The following PDE11A variants were observed in gnomAD, a reference collection of about 807,000 sequenced individuals.
PDE11A encodes phosphodiesterase 11A.
In PDE11A, 100 loss-of-function variants were observed where a neutral mutation model predicts 100.5. The ratio of observed to expected loss-of-function variants is 1.00; its 90% CI spans 0.85 to 1.18. The LOEUF is 1.18. PDE11A is among the 50% of genes most tolerant of loss of function. PDE11A has a pLI of 0.00. For synonymous variants in PDE11A, 381 were observed against 420.8 expected, an observed-to-expected ratio of 0.91 and a Z score of 1.16; for missense variants, 1,141 against 1,152.6, an observed-to-expected ratio of 0.99 and a Z score of 0.15.
intron 1 of PDE11A, among the ~76,000 whole-genome samples, chr2:178,066,551 C>A (rs1327771720): frequency 1.3e-5 from 2 of 152,136 alleles, no homozygotes; most frequent in African/African-American, 4.8e-5. Flanking sequence ...GTGTCCCAGG[C>A]CTCACCCATC....
At chr2:177,791,148 C>T (rs1052227744) in intron 9 of PDE11A, among the ~76,000 whole-genome samples, 1 of 151,894 alleles carries the variant, frequency 6.6e-6, no homozygotes, top group Non-Finnish European at 1.5e-5. Context: ...AAATGTCCAA[C>T]AATGATAGAC....
intron 6 of PDE11A, among the ~76,000 whole-genome samples, chr2:177,832,867 G>T (rs931811266): frequency 3.3e-5 from 5 of 152,146 alleles, no homozygotes; most frequent in African/African-American, 1.2e-4. Context: ...CAAGGGAAGA[G>T]CCAGGGAGAA....
intron 4 of PDE11A, among the ~76,000 whole-genome samples, chr2:177,883,142 A>C (rs751668707): frequency 2.0e-5 from 3 of 151,890 alleles, no homozygotes; most frequent in Non-Finnish European, 1.5e-5. Context: ...GGTGGCATGC[A>C]CCTGTAATCC....
intron 12 of PDE11A, among the ~76,000 whole-genome samples, chr2:177,716,321 C>G (rs541231669): frequency 4.2e-4 from 64 of 152,164 alleles, no homozygotes; most frequent in Non-Finnish European, 7.8e-4. Context: ...TTCATGGTAT[C>G]TGAGGCCTCC....
chr2:178,098,048 AG>A (rs1296476056), intron 2 of PDE11A, among the ~76,000 whole-genome samples: 6 of 152,022 alleles, frequency 3.9e-5, no homozygotes, highest in African/African-American at 7.3e-5. Context: ...ACTGAAACAT[AG>A]GGGGAAAAAA....
At chr2:178,061,300 G>C (rs984531413) in intron 1 of PDE11A, among the ~76,000 whole-genome samples, 1 of 151,978 alleles carries the variant, frequency 6.6e-6, no homozygotes, top group African/African-American at 2.4e-5. Flanking sequence ...TTTTTAAATT[G>C]TCCAGACTAG....
chr2:177,714,002 T>C (rs1574071462), intron 12 of PDE11A, among the ~76,000 whole-genome samples: 1 of 129,296 alleles, frequency 7.7e-6, no homozygotes, highest in African/African-American at 2.8e-5. Context: ...TTTTTTTTTT[T>C]TTTTTTTTTG....
upstream of PDE11A, among the ~76,000 whole-genome samples, chr2:178,075,551 CAAAAAAAA>C (rs397756518): frequency 2.1e-5 from 1 of 47,854 alleles, no homozygotes; most frequent in Admixed American, 2.3e-4. Flanking sequence ...GACTCTGTCT[CAAAAAAAA>C]AAAAAAAAAA....
At chr2:178,043,265 T>C (rs2086705649) in intron 1 of PDE11A, among the ~76,000 whole-genome samples, 1 of 152,174 alleles carries the variant, frequency 6.6e-6, no homozygotes, top group Non-Finnish European at 1.5e-5. Flanking sequence ...GGCTTATAAA[T>C]AGCATGAATT....
intron 19 of PDE11A, among the ~76,000 whole-genome samples, chr2:177,650,409 G>A (rs1000454568): frequency 1.3e-5 from 2 of 152,118 alleles, no homozygotes; most frequent in African/African-American, 4.8e-5. Context: ...CTGAATGGCT[G>A]TTAAATTATC....
chr2:177,884,635 G>A (rs1183065165), intron 4 of PDE11A, among the ~76,000 whole-genome samples: 1 of 152,160 alleles, frequency 6.6e-6, no homozygotes, highest in Non-Finnish European at 1.5e-5. Flanking sequence ...TGAATGTTGG[G>A]TAGTGTGAGC....
chr2:178,040,227 G>A (rs1407133382), intron 1 of PDE11A, among the ~76,000 whole-genome samples: 1 of 151,930 alleles, frequency 6.6e-6, no homozygotes, highest in Non-Finnish European at 1.5e-5. Context: ...ACTACACCTG[G>A]CTAATTTTTG....
At chr2:177,729,194 A>T (rs1287883784) in intron 10 of PDE11A, among the ~76,000 whole-genome samples, 2 of 152,134 alleles carry the variant, frequency 1.3e-5, no homozygotes, top group African/African-American at 4.8e-5. Flanking sequence ...ATGCTCCTCC[A>T]TAGGTGGAGC....
At chr2:177,748,995 T>A (rs1357309588) in intron 10 of PDE11A, among the ~76,000 whole-genome samples, 1 of 152,176 alleles carries the variant, frequency 6.6e-6, no homozygotes, top group Admixed American at 6.6e-5. Flanking sequence ...AAAAATAGCT[T>A]TTACCACAAC....
chr2:177,924,554 C>T (rs1219254131), intron 2 of PDE11A, among the ~76,000 whole-genome samples: 1 of 152,092 alleles, frequency 6.6e-6, no homozygotes, highest in Admixed American at 6.5e-5. Flanking sequence ...AAAGTGAACT[C>T]CTTGATATCA....
At chr2:177,699,529 G>C (rs531973395) in intron 14 of PDE11A, among the ~76,000 whole-genome samples, 1 of 152,088 alleles carries the variant, frequency 6.6e-6, no homozygotes, top group African/African-American at 2.4e-5. Flanking sequence ...CTATTTTCAC[G>C]TTATGTGCCT....
chr2:177,865,585 A>G (rs1406285083), intron 5 of PDE11A, among the ~76,000 whole-genome samples: 2 of 152,208 alleles, frequency 1.3e-5, no homozygotes, highest in Non-Finnish European at 2.9e-5. Context: ...ATTATTCTTA[A>G]TAGCCAAAAA....
intron 2 of PDE11A, among the ~76,000 whole-genome samples, chr2:178,009,119 G>C (rs1048869821): frequency 1.3e-5 from 2 of 152,128 alleles, no homozygotes; most frequent in Non-Finnish European, 2.9e-5. Context: ...GTTTATGCTG[G>C]CGTGCCCACA....
At chr2:177,722,949 G>A (rs1180659209) in intron 12 of PDE11A, 1 of 152,132 alleles carries the variant, frequency 6.6e-6, no homozygotes, top group African/African-American at 2.4e-5. Context: ...GTCAGTTACA[G>A]AACAAAACAT....
Sources: allele counts gnomAD v4.1 joint callset (sites outside exome capture counted in the v4.1 genomes callset), GRCh38; gene constraint gnomAD v4.1.1; transcripts MANE v1.5; gene names NCBI Gene and HGNC (gene_info 2026-07-23, HGNC 2026-07-21).